CDK14: variants seen among roughly 807,000 people sequenced by gnomAD.
The protein encoded by CDK14 is cyclin-dependent kinase 14.
Under a neutral mutation model 60.7 loss-of-function variants are expected in CDK14, and 34 were observed. The observed-to-expected ratio is 0.56, with a 90% CI of 0.43 to 0.75. CDK14 has a LOEUF of 0.75. CDK14 is among the 30% of genes least tolerant of loss of function. CDK14 has a pLI of 0.00. For synonymous variants in CDK14, 197 were observed against 203.7 expected (o/e 0.97, Z 0.28); for missense variants, 482 against 564.1 (o/e 0.85, Z 1.47).
At chr7:90,612,465 C>T (rs987529674) in intron 2 of CDK14, among the ~76,000 whole-genome samples, 34 of 152,110 alleles carry the variant, frequency 2.2e-4, no homozygotes, top group African/African-American at 8.0e-4. Context: ...TTCAATCTCA[C>T]TCTCTCTTAT....
intron 9 of CDK14, among the ~76,000 whole-genome samples, chr7:90,969,518 A>C (rs1001636630): frequency 6.6e-6 from 1 of 152,194 alleles, no homozygotes; most frequent in Non-Finnish European, 1.5e-5. Context: ...ACATTATTGC[A>C]TAAGGATTAA....
intron 10 of CDK14, among the ~76,000 whole-genome samples, chr7:91,035,324 G>C (rs1562877214): frequency 6.6e-6 from 1 of 152,178 alleles, no homozygotes; most frequent in African/African-American, 2.4e-5. Context: ...AATGCAAAAT[G>C]CAACCTTAAT....
chr7:90,785,939 G>A (rs562408537), intron 4 of CDK14, among the ~76,000 whole-genome samples: 230 of 152,264 alleles, frequency 1.5e-3, no homozygotes, highest in African/African-American at 5.2e-3. Flanking sequence ...GAAACAGTTT[G>A]AAAGTTGGAT....
intron 11 of CDK14, among the ~76,000 whole-genome samples, chr7:91,058,648 T>C (rs1293313331): frequency 6.6e-6 from 1 of 152,262 alleles, no homozygotes; most frequent in Non-Finnish European, 1.5e-5. Flanking sequence ...TTTTTCTGCA[T>C]CTATTGAGAT....
chr7:91,101,474 T>C (rs932652101), intron 12 of CDK14, among the ~76,000 whole-genome samples: 3 of 152,194 alleles, frequency 2.0e-5, no homozygotes, highest in South Asian at 4.1e-4. Flanking sequence ...AACAATTTCA[T>C]TAGAATAAGT....
At chr7:90,728,853 C>A (rs112438041) in intron 3 of CDK14, among the ~76,000 whole-genome samples, 2,758 of 152,072 alleles carry the variant, frequency 0.018, 55 homozygotes, top group Non-Finnish European at 0.021. Context: ...AAGACCTAGT[C>A]GTTTTATTTA....
chr7:90,894,311 C>A (rs1792229584), intron 6 of CDK14, among the ~76,000 whole-genome samples: 2 of 152,080 alleles, frequency 1.3e-5, no homozygotes, highest in African/African-American at 4.8e-5. Flanking sequence ...GATTATGTCA[C>A]CTGCTCAAAG....
chr7:90,863,079 A>G, intron 5 of CDK14, 96 bp from the exon 6 acceptor site: 1 of 579,704 alleles, frequency 1.7e-6, no homozygotes. Flanking sequence ...GTGAAAATAG[A>G]TATCTCTCAT....
intron 4 of CDK14, among the ~76,000 whole-genome samples, chr7:90,787,040 C>T (rs943103539): frequency 6.6e-6 from 1 of 151,728 alleles, no homozygotes; most frequent in African/African-American, 2.4e-5. Context: ...GACCCAGTGA[C>T]TTAACATTTT....
chr7:90,751,459 C>G (rs560891146), intron 4 of CDK14, among the ~76,000 whole-genome samples: 2 of 152,072 alleles, frequency 1.3e-5, no homozygotes, highest in East Asian at 3.9e-4. Flanking sequence ...GTTTTCCAGA[C>G]AAGCAAGTGC....
intron 5 of CDK14, among the ~76,000 whole-genome samples, chr7:90,858,259 A>G (rs1015355098): frequency 1.3e-5 from 2 of 152,180 alleles, no homozygotes; most frequent in African/African-American, 4.8e-5. Context: ...CAGGAATTTG[A>G]TTTTACTGAA....
rs73400923 is a variant in CDK14, at chr7:91,086,917, A to G, written c.1154+7437A>G. On this transcript the variant is annotated intron_variant, in intron 12 of 14. Transcript: ENST00000380050. ...TGAATATAAGAAGTCACTGGAGAAA[A>G]ACACTATTCGCTTTTAGCGTTTTTG... is the stretch of plus-strand genomic sequence containing the variant. 8.1e-3 allele frequency among the ~76,000 whole-genome samples: 1,231 copies of G among 152,258 alleles called. 18 individuals are homozygous for G. The highest frequency in any genetic ancestry group is 0.027 in the African/African-American group (1,137 of 41,564).
intron 2 of CDK14, among the ~76,000 whole-genome samples, chr7:90,687,150 A>G (rs1801455388): frequency 6.6e-6 from 1 of 152,196 alleles, no homozygotes; most frequent in Admixed American, 6.5e-5. Flanking sequence ...TTATTCAAAA[A>G]AAGATCTCCC....
intron 14 of CDK14, among the ~76,000 whole-genome samples, chr7:91,168,573 A>C (rs1423461481): frequency 2.6e-5 from 4 of 152,204 alleles, no homozygotes; most frequent in Non-Finnish European, 5.9e-5. Context: ...GGGGAACATG[A>C]ATTTTTCTCT....
intron 2 of CDK14, among the ~76,000 whole-genome samples, chr7:90,719,209 G>C (rs1378898582): frequency 6.6e-6 from 1 of 152,132 alleles, no homozygotes; most frequent in Non-Finnish European, 1.5e-5. Flanking sequence ...AAAAGAGCAT[G>C]ACCTAGCTAC....
In CDK14 at chr7:91,025,014, A is replaced by G. The variant is rs1364128452; in HGVS notation, c.1042-20883A>G. Among the ~76,000 whole-genome samples, 10 of 152,332 alleles carry G rather than the reference A, an allele frequency of 6.6e-5. No homozygotes were observed. The South Asian group carries it at 1.7e-3, about 25-fold the overall frequency. The stretch of plus-strand genomic sequence containing the variant: ...CTGTTGAATAATTTTGAAGTAATTT[A>G]GGAATCAAGGATATAAGTCTTTTGG... On this transcript the variant is annotated intron_variant, in intron 10 of 14. Transcript: ENST00000380050.
intron 14 of CDK14, among the ~76,000 whole-genome samples, chr7:91,131,252 G>C (rs1218512377): frequency 1.3e-5 from 2 of 151,902 alleles, no homozygotes; most frequent in Non-Finnish European, 2.9e-5. Context: ...GTACTGTTCA[G>C]GTATTTTGCA....
intron 7 of CDK14, among the ~76,000 whole-genome samples, chr7:90,901,874 C>G (rs568112819): frequency 6.6e-6 from 1 of 151,816 alleles, no homozygotes; most frequent in Non-Finnish European, 1.5e-5. Flanking sequence ...TCTAAAGACT[C>G]CACCAAAAAA....
chr7:90,978,203 G>A (rs1426245969), intron 9 of CDK14, among the ~76,000 whole-genome samples: 1 of 151,456 alleles, frequency 6.6e-6, no homozygotes, highest in Non-Finnish European at 1.5e-5. Context: ...CATGGCTGGA[G>A]CAGAGGAAAT....
Sources: allele counts gnomAD v4.1 joint callset (sites outside exome capture counted in the v4.1 genomes callset), GRCh38; gene constraint gnomAD v4.1.1; transcripts MANE v1.5; gene names NCBI Gene and HGNC (gene_info 2026-07-23, HGNC 2026-07-21).